Variants in CACNA1F observed in about 807,000 individuals in gnomAD.
The protein encoded by CACNA1F is calcium voltage-gated channel subunit alpha1 F.
CACNA1F carries 59 observed loss-of-function variants against 143.8 expected under a neutral mutation model. The ratio of observed to expected loss-of-function variants is 0.41; its 90% CI spans 0.33 to 0.51. The LOEUF is 0.51. Among genes scored for constraint, CACNA1F ranks in the 20% least tolerant of loss-of-function variants. The pLI is 0.22. For missense variants in CACNA1F, 1,411 were observed against 1,647.5 expected (o/e 0.86, Z 2.48); for synonymous variants, 643 against 649.1 (o/e 0.99, Z 0.14).
In CACNA1F at chrX:49,231,281, G is replaced by A. The variant is rs782006674; in HGVS notation, c.302C>T (p.Thr101Ile). 4 of 1,165,334 alleles carry A rather than the reference G, an allele frequency of 3.4e-6. No homozygotes were observed. The Admixed American group carries it at 1.0e-4, about 30-fold the overall frequency. The change falls in exon 3 of 48, where the codon ACC becomes ATC. Residue 101 changes from threonine to isoleucine, a missense_variant. By Grantham distance (89) the Thr-to-Ile change is moderately conservative. Coordinates refer to ENST00000323022, the MANE Select transcript of CACNA1F (RefSeq NM_001256789.3). Reference sequence around the variant, plus strand: ...CAGGGCCACGCAGTTGGCAAAGATGGTCAGCAGGATGAGGATGTCGAAGGG... The same window carrying A: ...CAGGGCCACGCAGTTGGCAAAGATGATCAGCAGGATGAGGATGTCGAAGGG... ...WKPFDILILL[T>I]IFANCVALGV... is the part of the protein sequence containing the mutation.
At position 49,212,944 on chromosome X, in the gene CACNA1F, CAG is replaced by C. The variant is rs1304052859; in HGVS notation, c.3813+28_3813+29del. ...GGACAGAGGGACATGGGAAAAGAAG[CAG>C]AGAGTCCCTGTTATTAGGGTGGGCT... On this transcript the variant is annotated intron_variant, in intron 32 of 47. Transcript: ENST00000323022. 4.2e-6 allele frequency: 5 copies of C among 1,192,900 alleles called. No homozygotes were observed. In the East Asian group the frequency reaches 1.2e-4, roughly 29 times the overall value.
chrX:49,232,416 C>T (rs17148327), intron 1 of CACNA1F, among the ~76,000 whole-genome samples: 4,320 of 111,407 alleles, frequency 0.039, 213 homozygotes, highest in African/African-American at 0.13. Flanking sequence ...CCCATGGTCT[C>T]GTTTCAGCCT....
At position 49,207,042 on chromosome X, in the gene CACNA1F, G is replaced by A; in HGVS notation, c.5194C>T (p.Gln1732Ter). 4 of 1,185,318 alleles carry A rather than the reference G, an allele frequency of 3.4e-6. No homozygotes were observed. The highest frequency in any genetic ancestry group is 4.5e-6 in the Non-Finnish European group (4 of 879,550). ...GNSQPKGTKG[Q>*]NKQDEDEEVP... Reference sequence around the variant, plus strand: ...TCCTCATCCTCATCTTGCTTGTTTTGCCCTTTGGTTCCCTTGGGCTGAGAA... The same window carrying A: ...TCCTCATCCTCATCTTGCTTGTTTTACCCTTTGGTTCCCTTGGGCTGAGAA... Residue 1732 changes from glutamine to a stop codon, truncating the protein, a stop_gained, in exon 44 of 48, where the codon CAA becomes TAA. Coordinates refer to ENST00000323022, the MANE Select transcript of CACNA1F (RefSeq NM_001256789.3). LOFTEE classifies it high-confidence loss of function.
chrX:49,219,085 C>T, intron 21 of CACNA1F, 144 bp from the exon 22 acceptor site: 1 of 604,159 alleles, frequency 1.7e-6, no homozygotes, highest in South Asian at 2.5e-5. Context: ...GCGCCTTTGG[C>T]CTGCTTAACC....
intron 28 of CACNA1F, 27 bp downstream of exon 28, chrX:49,215,315 C>T (rs1346314107): frequency 2.3e-5 from 28 of 1,199,977 alleles, no homozygotes; most frequent in Non-Finnish European, 3.2e-5. Flanking sequence ...GGTGACCATC[C>T]ATAGGGGGTC....
At chrX:49,233,224 G>C in intron 1 of CACNA1F, 61 bp downstream of exon 1, 1 of 1,177,592 alleles carries the variant, frequency 8.5e-7, no homozygotes, top group Middle Eastern at 2.3e-4. Context: ...GTGGGCAATG[G>C]GTGGGTCAGA....
chrX:49,212,157 T>C (rs949689080), intron 34 of CACNA1F, 86 bp downstream of exon 34: 46 of 893,936 alleles, frequency 5.1e-5, no homozygotes, highest in Non-Finnish European at 7.0e-5. Flanking sequence ...TCTGTCTACC[T>C]GCCACCCCTA....
At chrX:49,217,556 T>C (rs1207755432) in intron 26 of CACNA1F, among the ~76,000 whole-genome samples, 199 bp downstream of exon 26, 1 of 109,251 alleles carries the variant, frequency 9.2e-6, no homozygotes, top group Non-Finnish European at 1.9e-5. Context: ...TGGAGTGGAA[T>C]GTAGGTCACT....
In CACNA1F at chrX:49,210,958, G is replaced by A; in HGVS notation, c.4388+7C>T. 8.3e-7 allele frequency: 1 copy of A among 1,203,374 alleles called. No individual in the cohort carries two copies. Among genetic ancestry groups the A allele is most frequent in the Non-Finnish European group, 1.1e-6 (1 of 890,773 alleles). On this transcript the variant is annotated splice_region_variant and intron_variant, in intron 37 of 47. Coordinates refer to ENST00000323022, the MANE Select transcript of CACNA1F (RefSeq NM_001256789.3). The stretch of plus-strand genomic sequence containing the variant: ...CTGGATTCTAGGTAAGGGTATAGAG[G>A]GCATACTTGGCCCCAGGGTCATATT...
Position 49,205,198 on chromosome X carries a change from A to T in CACNA1F, c.5840T>A (p.Ile1947Asn). 8.3e-7 allele frequency: 1 copy of T among 1,210,979 alleles called. No homozygotes were observed. The highest frequency in any genetic ancestry group is 1.1e-6 in the Non-Finnish European group (1 of 894,965). ...GTCCTCCTCATCGAAGCGGGAGAGG[A>T]TGGACTCCTCGTCGCTATAGAGAGA... ...TSSLYSDEES[I>N]LSRFDEEDLG... The change falls in exon 48 of 48, where the codon ATC (isoleucine) becomes AAC (asparagine). Residue 1947 changes from isoleucine (I) to asparagine (N), a missense_variant. Physicochemically the swap from Ile to Asn is moderately radical, Grantham distance 149 (BLOSUM62 -3). Coordinates refer to ENST00000323022, the MANE Select transcript of CACNA1F (RefSeq NM_001256789.3).
rs782324855 is a variant in CACNA1F at position 49,209,383 on chromosome X, C to T, written c.4832G>A (p.Arg1611Gln). ...STSSALQAGL[R>Q]SLQDLGPEMR... Reference sequence around the variant, plus strand: ...CTCAGGACCCAAGTCCTGCAGGCTCCGCAGACCAGCCTGTGGGGGTGGAGA... The same window carrying T: ...CTCAGGACCCAAGTCCTGCAGGCTCTGCAGACCAGCCTGTGGGGGTGGAGA... Residue 1611 changes from arginine (R) to glutamine (Q), a missense_variant, in exon 42 of 48, where the codon CGG becomes CAG. Arg to Gln is a conservative substitution (Grantham distance 43, BLOSUM62 1). Transcript: ENST00000323022. 1.7e-5 allele frequency: 21 copies of T among 1,208,617 alleles called. No homozygotes were observed. Among genetic ancestry groups the T allele is most frequent in the Non-Finnish European group, 2.1e-5 (19 of 894,268 alleles).
chrX:49,210,527 T>G (rs1210326767), intron 38 of CACNA1F, 63 bp downstream of exon 38: 1 of 1,088,064 alleles, frequency 9.2e-7, no homozygotes, highest in Non-Finnish European at 1.3e-6. Context: ...GCAGATCCCT[T>G]CCCACCCTTG....
chrX:49,209,995 T>A lies in CACNA1F; in HGVS notation c.4636A>T (p.Ile1546Phe). ...NQELRIVIKK[I>F]WKRMKQKLLD... is the part of the protein sequence containing the mutation. Reference sequence around the variant, plus strand: ...AGCTTCTGTTTCATCCGCTTCCAGATCTTTTTGATGACAATCCGCAGCTCC... The same window carrying A: ...AGCTTCTGTTTCATCCGCTTCCAGAACTTTTTGATGACAATCCGCAGCTCC... Residue 1546 changes from isoleucine (I) to phenylalanine (F), a missense_variant, in exon 40 of 48, where the codon ATC (isoleucine) becomes TTC (phenylalanine). This residue lies in a region of CACNA1F where 112 missense variants were observed against 169.2 expected (regional missense o/e 0.66). Transcript: ENST00000323022. 6 of 1,210,705 alleles carry A rather than the reference T, an allele frequency of 5.0e-6. No homozygotes were observed. The highest frequency in any genetic ancestry group is 6.7e-6 in the Non-Finnish European group (6 of 894,538).
chrX:49,217,696 C>T (rs2065731411), intron 26 of CACNA1F, 59 bp downstream of exon 26: 7 of 989,365 alleles, frequency 7.1e-6, no homozygotes. Flanking sequence ...GATCTAGAGG[C>T]TCTAAAGTCT....
At chrX:49,215,576 G>T in intron 27 of CACNA1F, 33 bp from the exon 28 acceptor site, 2 of 563,189 alleles carry the variant, frequency 3.6e-6, no homozygotes, top group Non-Finnish European at 6.0e-6. Context: ...AGAGGTGGGG[G>T]CAGGTGAGGG....
Position 49,205,319 on chromosome X carries a change from C to T in CACNA1F, c.5719G>A (p.Val1907Met), listed in dbSNP as rs782268897. ...GCAATCTCCTGCTTGGCCAGGGCCACGAAACGTGGGTCTCGAGCAAAGAGG... is the reference window on the plus strand; with the variant it reads ...GCAATCTCCTGCTTGGCCAGGGCCATGAAACGTGGGTCTCGAGCAAAGAGG... ...LGLFARDPRF[V>M]ALAKQEIADA... The change falls in exon 48 of 48, where the codon GTG becomes ATG. Residue 1907 changes from valine to methionine, a missense_variant. Physicochemically the swap from Val to Met is conservative, Grantham distance 21. Transcript: ENST00000323022. 27 of 1,206,612 alleles carry T rather than the reference C, an allele frequency of 2.2e-5. No homozygotes were observed. The highest frequency in any genetic ancestry group is 2.5e-5 in the Non-Finnish European group (22 of 893,814).
Position 49,226,017 on chromosome X carries a change from CTGCCCGACGGCAGCG to C in CACNA1F, c.1528_1542del (p.Arg510_Ala514del). ...GCCCAGTAGCAGGCATTGGACTTCA[CTGCCCGACGGCAGCG>C]TGCCCGAAGGACCCGGTTGGCTCGG... On this transcript the variant is annotated inframe_deletion, in exon 13 of 48. Coordinates refer to ENST00000323022, the MANE Select transcript of CACNA1F (RefSeq NM_001256789.3). 8.4e-7 allele frequency: 1 copy of C among 1,186,487 alleles called. No homozygotes were observed. Among genetic ancestry groups the C allele is most frequent in the Non-Finnish European group, 1.1e-6 (1 of 882,457 alleles).
intron 33 of CACNA1F, 95 bp downstream of exon 33, chrX:49,212,572 T>G: frequency 1.1e-6 from 1 of 921,250 alleles, no homozygotes; most frequent in Non-Finnish European, 1.5e-6. Context: ...GGGTATGGCA[T>G]GTTGGGAGAT....
chrX:49,231,476 C>T (rs971670676), intron 2 of CACNA1F, among the ~76,000 whole-genome samples, 169 bp from the exon 3 acceptor site: 3 of 111,548 alleles, frequency 2.7e-5, no homozygotes, highest in Non-Finnish European at 5.7e-5. Context: ...AAACCTTAAC[C>T]ATCCCCAACT....
Sources: gnomAD v4.1 joint callset for allele counts (sites outside exome capture counted in the v4.1 genomes callset) on GRCh38, gnomAD v4.1.1 for gene constraint, gnomAD v4.1.1 regional missense constraint, MANE v1.5 for transcripts, NCBI Gene and HGNC (gene_info 2026-07-23, HGNC 2026-07-21) for gene names.